Variants in PPP2R2B observed in about 807,000 individuals in gnomAD.
The protein encoded by PPP2R2B is serine/threonine-protein phosphatase 2A 55 kDa regulatory subunit B beta isoform.
A neutral mutation model predicts 46.0 loss-of-function variants in PPP2R2B; 5 were observed. The ratio of observed to expected loss-of-function variants is 0.11; its 90% CI spans 0.06 to 0.23. PPP2R2B has a LOEUF of 0.23. PPP2R2B is among the 10% of genes least tolerant of loss of function. The pLI, the probability that PPP2R2B is intolerant of heterozygous loss-of-function variation, is 1.00. For synonymous variants in PPP2R2B, 215 were observed against 206.7 expected (o/e 1.04, Z -0.34); for missense variants, 367 against 575.0 (o/e 0.64, Z 3.70).
chr5:147,042,645 G>A lies in PPP2R2B; in HGVS notation c.79+13020C>T, dbSNP rs1337758967. Among the ~76,000 whole-genome samples, 4 of 152,050 alleles carry A rather than the reference G, an allele frequency of 2.6e-5. No individual in the cohort carries two copies. In the East Asian group the frequency reaches 7.7e-4, roughly 29 times the overall value. ...TACTATATGCCAGGTAAAATAATGAGCAAAAACACAAAGTCCCTGTTCTCA... is the reference window on the plus strand; with the variant it reads ...TACTATATGCCAGGTAAAATAATGAACAAAAACACAAAGTCCCTGTTCTCA... On this transcript the variant is annotated intron_variant, in intron 1 of 8. Transcript: ENST00000336640.
chr5:146,716,535 C>A (rs1376154045), intron 2 of PPP2R2B, among the ~76,000 whole-genome samples: 1 of 152,100 alleles, frequency 6.6e-6, no homozygotes, highest in East Asian at 1.9e-4. Context: ...GCTATAAATC[C>A]TTTCCCCATA....
At chr5:146,989,797 G>A (rs1753605663) in intron 1 of PPP2R2B, among the ~76,000 whole-genome samples, 1 of 152,028 alleles carries the variant, frequency 6.6e-6, no homozygotes, top group Non-Finnish European at 1.5e-5. Flanking sequence ...TTAAAAAGTG[G>A]AAGTCATATT....
intron 2 of PPP2R2B, among the ~76,000 whole-genome samples, chr5:146,718,020 A>G (rs1357971375): frequency 1.3e-5 from 2 of 152,118 alleles, no homozygotes; most frequent in Non-Finnish European, 2.9e-5. Context: ...ATCATTATGT[A>G]TATTATGTAT....
At chr5:146,878,940 C>T (rs1474671464), upstream of PPP2R2B, 3 of 1,135,346 alleles carry the variant, frequency 2.6e-6, no homozygotes, top group South Asian at 1.8e-5. This position sits in a 1 kb window ranked among gnomAD's most constrained non-coding sequence, Gnocchi z 4.5. Context: ...CTTGCAGGTT[C>T]AGGTGGAACG....
chr5:146,998,294 A>G (rs556460982), intron 1 of PPP2R2B, among the ~76,000 whole-genome samples: 3 of 152,370 alleles, frequency 2.0e-5, no homozygotes, highest in African/African-American at 7.2e-5. Context: ...AGGTGCACAC[A>G]GTGAAAATGC....
chr5:146,893,975 G>C (rs1020942877), intron 1 of PPP2R2B, among the ~76,000 whole-genome samples: 3 of 151,968 alleles, frequency 2.0e-5, no homozygotes, highest in Non-Finnish European at 1.5e-5. Context: ...GAACCCAGGA[G>C]GCGGAGATTG....
chr5:146,827,188 G>T (rs1758634380), intron 2 of PPP2R2B, among the ~76,000 whole-genome samples: 1 of 152,132 alleles, frequency 6.6e-6, no homozygotes, highest in Admixed American at 6.5e-5. Context: ...ATAAAAATAT[G>T]ACCTAGCTGA....
chr5:146,691,342 G>T, intron 4 of PPP2R2B, 102 bp from the exon 5 acceptor site: 1 of 855,782 alleles, frequency 1.2e-6, no homozygotes, highest in Non-Finnish European at 1.8e-6. Flanking sequence ...AGGATGGATA[G>T]AATTGCTACA....
chr5:146,732,499 G>A (rs191530943), intron 2 of PPP2R2B, among the ~76,000 whole-genome samples: 1 of 152,162 alleles, frequency 6.6e-6, no homozygotes, highest in African/African-American at 2.4e-5. Context: ...GGAACAAAGG[G>A]CAATCTTGCA....
intron 2 of PPP2R2B, among the ~76,000 whole-genome samples, chr5:147,078,635 A>C (rs1757869801): frequency 6.6e-6 from 1 of 151,980 alleles, no homozygotes. Context: ...AAAATACAAA[A>C]AGAAATAAAA....
intron 1 of PPP2R2B, among the ~76,000 whole-genome samples, chr5:147,037,567 G>T (rs1174767982): frequency 6.6e-6 from 1 of 151,956 alleles, no homozygotes; most frequent in Non-Finnish European, 1.5e-5. Context: ...TTACATTGGG[G>T]TGTATGTGTG....
At chr5:146,720,087 T>A (rs1780711364) in intron 2 of PPP2R2B, among the ~76,000 whole-genome samples, 1 of 152,208 alleles carries the variant, frequency 6.6e-6, no homozygotes, top group African/African-American at 2.4e-5. Flanking sequence ...TTTGCCTCTG[T>A]AGGCATCTGA....
At chr5:146,619,419 G>A (rs1173690084) in intron 7 of PPP2R2B, among the ~76,000 whole-genome samples, 4 of 151,992 alleles carry the variant, frequency 2.6e-5, no homozygotes, top group African/African-American at 9.7e-5. Flanking sequence ...GGCGGAGATT[G>A]CACTCCAGCC....
At chr5:146,676,609 T>A (rs1002088654) in intron 5 of PPP2R2B, among the ~76,000 whole-genome samples, 1 of 152,178 alleles carries the variant, frequency 6.6e-6, no homozygotes, top group Admixed American at 6.6e-5. Flanking sequence ...CTCCCCATCA[T>A]CTGCTCTCCT....
At chr5:147,031,614 C>A (rs974495563) in intron 1 of PPP2R2B, among the ~76,000 whole-genome samples, 8 of 152,062 alleles carry the variant, frequency 5.3e-5, no homozygotes, top group African/African-American at 1.7e-4. Flanking sequence ...CTCTGTCATA[C>A]TTCTTAGACC....
At chr5:146,657,348 T>C (rs1776397761) in intron 5 of PPP2R2B, among the ~76,000 whole-genome samples, 1 of 151,948 alleles carries the variant, frequency 6.6e-6, no homozygotes, top group Admixed American at 6.6e-5. Flanking sequence ...GATGGCCAGA[T>C]AGGAGATAAA....
intron 1 of PPP2R2B, among the ~76,000 whole-genome samples, chr5:146,963,335 T>C (rs1383342192): frequency 6.6e-6 from 1 of 152,180 alleles, no homozygotes; most frequent in African/African-American, 2.4e-5. Context: ...ACATTTTTAT[T>C]CTCAGAGTTC....
intron 1 of PPP2R2B, among the ~76,000 whole-genome samples, chr5:146,885,308 TA>T (rs1436040748): frequency 1.3e-5 from 2 of 152,184 alleles, no homozygotes; most frequent in Admixed American, 6.5e-5. Context: ...CCCATGCTCT[TA>T]ACCACTGTGA....
intron 1 of PPP2R2B, among the ~76,000 whole-genome samples, chr5:147,017,230 T>G (rs1194821311): frequency 6.6e-6 from 1 of 151,542 alleles, no homozygotes; most frequent in Non-Finnish European, 1.5e-5. Flanking sequence ...GATTGCTTTA[T>G]GAATGGGTTT....
Sources: allele counts gnomAD v4.1 joint callset (sites outside exome capture counted in the v4.1 genomes callset), GRCh38; gene constraint gnomAD v4.1.1; non-coding constraint Gnocchi (gnomAD v3.1); transcripts MANE v1.5; gene names NCBI Gene and HGNC (gene_info 2026-07-23, HGNC 2026-07-21).